The following LIN7A variants were observed in gnomAD, a reference collection of about 807,000 sequenced individuals.
LIN7A encodes lin-7 cell polarity scaffold A.
Under a neutral mutation model 29.8 loss-of-function variants are expected in LIN7A, and 25 were observed. The observed-to-expected ratio is 0.84, with a 90% CI of 0.61 to 1.17. The LOEUF is 1.17. Ranked by LOEUF, LIN7A falls within the 50% of genes most tolerant of loss-of-function variation. LIN7A has a pLI of 0.00. For synonymous variants in LIN7A, 118 were observed against 107.5 expected (o/e 1.10, Z -0.60); for missense variants, 239 against 287.0 (o/e 0.83, Z 1.21).
intron 1 of LIN7A, among the ~76,000 whole-genome samples, chr12:80,928,941 A>T (rs1019439862): frequency 6.6e-6 from 1 of 152,188 alleles, no homozygotes; most frequent in African/African-American, 2.4e-5. Context: ...CAATACAGTT[A>T]TTCTAATATC....
intron 1 of LIN7A, among the ~76,000 whole-genome samples, chr12:80,922,956 C>A (rs1877391036): frequency 6.6e-6 from 1 of 152,098 alleles, no homozygotes. Context: ...TTGGCACATA[C>A]CCCCTTGCAT....
At chr12:80,907,542 T>C (rs1007122054) in intron 1 of LIN7A, among the ~76,000 whole-genome samples, 1 of 152,198 alleles carries the variant, frequency 6.6e-6, no homozygotes, top group African/African-American at 2.4e-5. Context: ...TTCAGCATCT[T>C]TATCTATAAA....
chr12:80,928,379 T>G (rs940600024), intron 1 of LIN7A, among the ~76,000 whole-genome samples: 1 of 152,186 alleles, frequency 6.6e-6, no homozygotes, highest in Non-Finnish European at 1.5e-5. Flanking sequence ...GTTTCCTGAC[T>G]TTTTAATGAT....
At chr12:80,858,817 A>T (rs1873730174) in intron 2 of LIN7A, among the ~76,000 whole-genome samples, 1 of 152,146 alleles carries the variant, frequency 6.6e-6, no homozygotes, top group South Asian at 2.1e-4. Flanking sequence ...GCAGACTTGA[A>T]ATTTACTAGT....
intron 4 of LIN7A, among the ~76,000 whole-genome samples, chr12:80,818,472 C>G (rs892208096): frequency 1.3e-5 from 2 of 152,164 alleles, no homozygotes; most frequent in Non-Finnish European, 2.9e-5. Flanking sequence ...GCTAGTAAGT[C>G]GAACAGATCA....
At chr12:80,909,660 C>T (rs1876655551) in intron 1 of LIN7A, among the ~76,000 whole-genome samples, 1 of 152,000 alleles carries the variant, frequency 6.6e-6, no homozygotes, top group Admixed American at 6.6e-5. Context: ...GAGGGCCCCA[C>T]CCTCATAACT....
intron 1 of LIN7A, among the ~76,000 whole-genome samples, chr12:80,930,198 C>A (rs1565933904): frequency 1.3e-5 from 2 of 151,994 alleles, no homozygotes; most frequent in Non-Finnish European, 1.5e-5. Flanking sequence ...AATTAGACAC[C>A]CTAGCTTTAT....
chr12:80,888,491 G>A (rs552765963), intron 2 of LIN7A, among the ~76,000 whole-genome samples: 4 of 152,252 alleles, frequency 2.6e-5, no homozygotes, highest in African/African-American at 9.6e-5. Context: ...TGACTTTGGA[G>A]GGAATAACAG....
At chr12:80,819,860 G>T (rs1335342336) in intron 4 of LIN7A, among the ~76,000 whole-genome samples, 1 of 152,178 alleles carries the variant, frequency 6.6e-6, no homozygotes, top group Non-Finnish European at 1.5e-5. Context: ...TAATGGCGTT[G>T]CTTAGGGCTT....
rs561322431 is a variant in LIN7A, at chr12:80,870,601, A to C, written c.201+18650T>G. Among the ~76,000 whole-genome samples the C allele has an allele frequency of 2.0e-4, 30 of 152,316 alleles. 1 individual carries two copies. In the South Asian group the frequency reaches 6.0e-3, roughly 31 times the overall value. ...AAATGTTCCAAAGATACACTAAATC[A>C]TAACTTCCATCACAAATACCTTCTA... is the stretch of plus-strand genomic sequence containing the variant. On this transcript the variant is annotated intron_variant, in intron 2 of 5. Transcript: ENST00000552864.
chr12:80,926,029 T>C (rs1261368431), intron 1 of LIN7A, among the ~76,000 whole-genome samples: 1 of 152,206 alleles, frequency 6.6e-6, no homozygotes, highest in Non-Finnish European at 1.5e-5. Context: ...CAAAGTGTTC[T>C]TCCAGATCGT....
chr12:80,819,141 G>A (rs1443239669), intron 4 of LIN7A, among the ~76,000 whole-genome samples: 1 of 152,136 alleles, frequency 6.6e-6, no homozygotes, highest in East Asian at 1.9e-4. Context: ...TTTGATTGCA[G>A]TACATTGTTA....
At chr12:80,807,079 T>TTTTTTTTTGTTG (rs1555221369) in intron 5 of LIN7A, among the ~76,000 whole-genome samples, 4 of 131,916 alleles carry the variant, frequency 3.0e-5, no homozygotes, top group African/African-American at 8.7e-5. Flanking sequence ...TTTTTTTTTT[T>TTTTTTTTTGTTG]TTTTTTTTTT....
intron 1 of LIN7A, among the ~76,000 whole-genome samples, chr12:80,909,241 C>T (rs1404391179): frequency 6.6e-6 from 1 of 152,060 alleles, no homozygotes; most frequent in Non-Finnish European, 1.5e-5. Flanking sequence ...CAGTGAGTTC[C>T]CCTGGTATAG....
chr12:80,857,570 C>A (rs543407041), intron 2 of LIN7A, among the ~76,000 whole-genome samples: 1 of 152,080 alleles, frequency 6.6e-6, no homozygotes, highest in East Asian at 1.9e-4. Context: ...GTGATACATG[C>A]CATTTATGAT....
At chr12:80,808,113 T>A (rs951042) in intron 5 of LIN7A, among the ~76,000 whole-genome samples, 15,288 of 152,098 alleles carry the variant, frequency 0.1, 831 homozygotes, top group East Asian at 0.18. Context: ...CTAACTACTC[T>A]GGCTTTCTTT....
intron 1 of LIN7A, among the ~76,000 whole-genome samples, chr12:80,917,195 A>G (rs1279048116): frequency 6.6e-6 from 1 of 152,154 alleles, no homozygotes; most frequent in African/African-American, 2.4e-5. Context: ...CAAGAGGAGA[A>G]GGGTATGCTT....
intron 1 of LIN7A, among the ~76,000 whole-genome samples, chr12:80,924,341 T>G (rs1346895315): frequency 6.6e-6 from 1 of 152,192 alleles, no homozygotes; most frequent in African/African-American, 2.4e-5. Context: ...TCCATATGTA[T>G]CTAAATCTGA....
rs1442866350 is a variant in LIN7A at position 80,811,534 on chromosome 12, C to T, written c.633G>A (p.Gln211=). 1 of 1,612,616 alleles carries T rather than the reference C, an allele frequency of 6.2e-7. No homozygotes were observed. Among genetic ancestry groups the T allele is most frequent in the East Asian group, 2.2e-5 (1 of 44,850 alleles). The change falls in exon 5 of 6, where the codon CAG becomes CAA. Residue 211 remains glutamine (Q), a synonymous_variant. Transcript: ENST00000552864. ...GCTGCTGCTGAATTAGCAATTGCTGCTGCTGCCGACGCCTGGCTGTTCGTA... is the reference window on the plus strand; with the variant it reads ...GCTGCTGCTGAATTAGCAATTGCTGTTGCTGCCGACGCCTGGCTGTTCGTA... ...EKLRTARRRQ[Q]QQLLIQQQQQ... is the part of the protein sequence containing the mutation.
Sources: gnomAD v4.1 joint callset for allele counts (sites outside exome capture counted in the v4.1 genomes callset) on GRCh38, gnomAD v4.1.1 for gene constraint, MANE v1.5 for transcripts, NCBI Gene and HGNC (gene_info 2026-07-23, HGNC 2026-07-21) for gene names.